IQSEC3: variants seen among roughly 807,000 people sequenced by gnomAD.
The protein encoded by IQSEC3 is IQ motif and Sec7 domain ArfGEF 3, also known as IQ motif and SEC7 domain-containing protein 3.
A neutral mutation model predicts 105.4 loss-of-function variants in IQSEC3; 50 were observed. The ratio of observed to expected loss-of-function variants is 0.47; its 90% CI spans 0.38 to 0.60. IQSEC3 has a LOEUF of 0.60. Among genes scored for constraint, IQSEC3 ranks in the 20% least tolerant of loss-of-function variants. The pLI, the probability that IQSEC3 is intolerant of heterozygous loss-of-function variation, is 0.00. For synonymous variants in IQSEC3, 708 were observed against 746.0 expected, an observed-to-expected ratio of 0.95 and a Z score of 0.83; for missense variants, 1,415 against 1,630.0, an observed-to-expected ratio of 0.87 and a Z score of 2.27.
At chr12:126,796 G>C (rs11064599) in intron 3 of IQSEC3, among the ~76,000 whole-genome samples, 6 of 151,954 alleles carry the variant, frequency 3.9e-5, no homozygotes, top group African/African-American at 7.3e-5. Flanking sequence ...GTAGGTTCTA[G>C]AGAACAATTC....
chr12:92,619 G>A (rs1035329564), intron 1 of IQSEC3, among the ~76,000 whole-genome samples: 8 of 152,222 alleles, frequency 5.3e-5, no homozygotes, highest in Non-Finnish European at 1.0e-4. Flanking sequence ...GGGAGCAGCC[G>A]AGATCCGGGT....
intron 3 of IQSEC3, among the ~76,000 whole-genome samples, chr12:130,499 A>G (rs1555084651): frequency 6.6e-6 from 1 of 152,178 alleles, no homozygotes; most frequent in African/African-American, 2.4e-5. Context: ...CATTACAGTG[A>G]GGAACAGGCC....
intron 5 of IQSEC3, among the ~76,000 whole-genome samples, chr12:150,533 G>A (rs1471163329): frequency 1.3e-5 from 2 of 152,184 alleles, no homozygotes; most frequent in African/African-American, 4.8e-5. Context: ...TCCTCCAGAG[G>A]AAAGAGTCCA....
chr12:117,829 G>A (rs988335650), intron 2 of IQSEC3, among the ~76,000 whole-genome samples: 2 of 152,218 alleles, frequency 1.3e-5, no homozygotes, highest in Admixed American at 1.3e-4. Context: ...AGAGAGCCGG[G>A]ACAGCCACAT....
intron 3 of IQSEC3, among the ~76,000 whole-genome samples, chr12:136,135 T>C (rs551164420): frequency 6.8e-4 from 104 of 152,266 alleles, no homozygotes; most frequent in African/African-American, 2.5e-3. Flanking sequence ...GAAATGCAAG[T>C]AACTTTGGGA....
At chr12:89,378 C>A (rs919727694) in intron 1 of IQSEC3, among the ~76,000 whole-genome samples, 6 of 152,132 alleles carry the variant, frequency 3.9e-5, no homozygotes, top group African/African-American at 1.4e-4. Flanking sequence ...GGAAATTATT[C>A]TAAAGCCTCT....
chr12:165,238 T>C, intron 9 of IQSEC3, 196 bp from the exon 10 acceptor site: 3 of 601,598 alleles, frequency 5.0e-6, no homozygotes, highest in South Asian at 3.9e-5. Context: ...ACAGAGGGAA[T>C]AACCACTGTA....
At chr12:92,115 C>T (rs1864106790) in intron 1 of IQSEC3, among the ~76,000 whole-genome samples, 1 of 152,208 alleles carries the variant, frequency 6.6e-6, no homozygotes, top group South Asian at 2.1e-4. Flanking sequence ...TCCAGCTGCC[C>T]CATCAGAACT....
In IQSEC3 at chr12:138,343, G is replaced by A. The variant is rs782102155; in HGVS notation, c.980G>A (p.Arg327His). 1 of 1,613,600 alleles carries A rather than the reference G, an allele frequency of 6.2e-7. No individual in the cohort carries two copies. The highest frequency in any genetic ancestry group is 1.7e-5 in the Admixed American group (1 of 60,026). ...GCTTGCACCATCCAAACCGCCTTCC[G>A]CCAATACCAGCTCAGCAAGAACTTC... Reference protein sequence around the residue: ...RAACTIQTAFRQYQLSKNFEK... With the variant: ...RAACTIQTAFHQYQLSKNFEK... The change falls in exon 4 of 14, where the codon CGC becomes CAC. Residue 327 changes from arginine (R) to histidine (H), a missense_variant. Arg to His is a conservative substitution (Grantham distance 29). Coordinates refer to ENST00000538872, the MANE Select transcript of IQSEC3 (RefSeq NM_001170738.2). The surrounding 1 kb of genome is among the most constrained non-coding windows in gnomAD (Gnocchi z 7.1).
At chr12:129,736 G>A (rs920869607) in intron 3 of IQSEC3, among the ~76,000 whole-genome samples, 13 of 152,122 alleles carry the variant, frequency 8.5e-5, no homozygotes, top group African/African-American at 3.1e-4. Flanking sequence ...AGGCCAGAGG[G>A]CTGTGGAGTT....
rs544268600 is a variant in IQSEC3 at position 131,689 on chromosome 12, G to A, written c.903+5777G>A. ...AGAGACAGATGTCTTGCCTGTGATG[G>A]ACAGTCCGCAGCGAGAGCTCTGAGC... On this transcript the variant is annotated intron_variant, in intron 3 of 13. Transcript: ENST00000538872. Among the ~76,000 whole-genome samples the A allele has an allele frequency of 2.9e-4, 44 of 152,334 alleles. No individual in the cohort carries two copies. In the South Asian group the frequency reaches 8.7e-3, roughly 30 times the overall value.
At chr12:111,000 C>T (rs1864865272) in intron 2 of IQSEC3, among the ~76,000 whole-genome samples, 1 of 152,140 alleles carries the variant, frequency 6.6e-6, no homozygotes, top group Admixed American at 6.5e-5. Flanking sequence ...CTTCGTGACC[C>T]CCCGATTCCT....
chr12:78,204 T>G (rs1555069813), intron 1 of IQSEC3, among the ~76,000 whole-genome samples: 8 of 151,116 alleles, frequency 5.3e-5, no homozygotes, highest in Non-Finnish European at 8.9e-5. Flanking sequence ...TCCTCCCGCG[T>G]TCCCGGCCCG....
At chr12:168,418 C>A (rs549806165) in intron 11 of IQSEC3, among the ~76,000 whole-genome samples, 1 of 152,240 alleles carries the variant, frequency 6.6e-6, no homozygotes, top group East Asian at 1.9e-4. Context: ...GCTCCGTCCT[C>A]CCAGGCGCCG....
At chr12:163,681 C>G (rs1555097250) in intron 9 of IQSEC3, 62 bp downstream of exon 9, 7 of 966,950 alleles carry the variant, frequency 7.2e-6, no homozygotes, top group Middle Eastern at 2.1e-4. Context: ...CCTGGTCAGC[C>G]TGGGCAGGGT....
intron 1 of IQSEC3, among the ~76,000 whole-genome samples, chr12:80,900 A>C (rs1163549255): frequency 6.6e-6 from 1 of 152,198 alleles, no homozygotes; most frequent in Non-Finnish European, 1.5e-5. Context: ...AACAGCTAGC[A>C]TAGAGGCCAA....
At chr12:145,939 G>C (rs1866248090) in intron 5 of IQSEC3, among the ~76,000 whole-genome samples, 1 of 152,206 alleles carries the variant, frequency 6.6e-6, no homozygotes. Flanking sequence ...ATGCAGGAAG[G>C]CAGCTTCTGG....
chr12:112,318 A>T lies in IQSEC3; in HGVS notation c.623+13104A>T, dbSNP rs532107794. ...AGTGGGGGGAAGGGGGATGGTGGGG[A>T]AGTGGGGGAGGCCGAGAAGCAGGCA... On this transcript the variant is annotated intron_variant, in intron 2 of 13. Transcript: ENST00000538872. Among the ~76,000 whole-genome samples, 613 of 148,800 alleles carry T rather than the reference A, an allele frequency of 4.1e-3. 4 individuals carry two copies. The highest frequency in any genetic ancestry group is 6.5e-3 in the Non-Finnish European group (434 of 67,162).
chr12:157,430 G>T, intron 6 of IQSEC3, 98 bp from the exon 7 acceptor site: 1 of 1,360,144 alleles, frequency 7.4e-7, no homozygotes, highest in South Asian at 1.4e-5. Flanking sequence ...AAAGCCTTCG[G>T]AGAGCTGGGA....
Sources: gnomAD v4.1 joint callset for allele counts (sites outside exome capture counted in the v4.1 genomes callset) on GRCh38, gnomAD v4.1.1 for gene constraint, Gnocchi (gnomAD v3.1) non-coding constraint, MANE v1.5 for transcripts, NCBI Gene and HGNC (gene_info 2026-07-23, HGNC 2026-07-21) for gene names.